Variants in SLC9A9 observed in about 807,000 individuals in gnomAD.
The protein encoded by SLC9A9 is solute carrier family 9 member A9.
A neutral mutation model predicts 77.8 loss-of-function variants in SLC9A9; 62 were observed. The observed-to-expected ratio is 0.80, with a 90% CI of 0.65 to 0.98. The LOEUF is 0.98. Among genes scored for constraint, SLC9A9 ranks in the 50% least tolerant of loss-of-function variants. SLC9A9 has a pLI of 0.00. For missense variants in SLC9A9, 775 were observed against 774.9 expected, an observed-to-expected ratio of 1.00 and a Z score of 0.00; for synonymous variants, 320 against 283.5, an observed-to-expected ratio of 1.13 and a Z score of -1.29.
At chr3:143,619,347 T>C (rs1452589901) in intron 6 of SLC9A9, among the ~76,000 whole-genome samples, 3 of 152,202 alleles carry the variant, frequency 2.0e-5, no homozygotes, top group Non-Finnish European at 4.4e-5. Flanking sequence ...AGAAAAAGCA[T>C]TTCCAAACAC....
intron 4 of SLC9A9, among the ~76,000 whole-genome samples, chr3:143,787,458 A>G (rs1334762903): frequency 6.6e-6 from 1 of 152,202 alleles, no homozygotes; most frequent in African/African-American, 2.4e-5. Flanking sequence ...ACATACATGC[A>G]TATATACCTT....
intron 5 of SLC9A9, among the ~76,000 whole-genome samples, chr3:143,662,373 C>T (rs952223772): frequency 5.3e-5 from 8 of 152,350 alleles, no homozygotes; most frequent in East Asian, 3.9e-4. Flanking sequence ...CAGTCTACAG[C>T]TCCCAGCATG....
chr3:143,318,008 T>C (rs1157650466), intron 14 of SLC9A9, among the ~76,000 whole-genome samples: 1 of 152,236 alleles, frequency 6.6e-6, no homozygotes, highest in Non-Finnish European at 1.5e-5. Flanking sequence ...ATTACAGGCC[T>C]GAGCCACCGT....
intron 5 of SLC9A9, among the ~76,000 whole-genome samples, chr3:143,675,100 C>G (rs972380263): frequency 6.6e-6 from 1 of 152,104 alleles, no homozygotes; most frequent in Non-Finnish European, 1.5e-5. Flanking sequence ...ATTGGAGAAC[C>G]TACTAATATA....
chr3:143,533,319 C>T (rs554436465), intron 9 of SLC9A9, among the ~76,000 whole-genome samples: 137 of 152,308 alleles, frequency 9.0e-4, no homozygotes, highest in Non-Finnish European at 1.3e-3. Flanking sequence ...ACATCTAGTG[C>T]TTGTCCTCCT....
chr3:143,346,898 C>A (rs530141440), intron 14 of SLC9A9: 1 of 152,102 alleles, frequency 6.6e-6, no homozygotes, highest in East Asian at 1.9e-4. Context: ...TGTATTCAAA[C>A]TCTACAAAAT....
intron 14 of SLC9A9, among the ~76,000 whole-genome samples, chr3:143,361,901 C>T (rs577266072): frequency 3.3e-5 from 5 of 152,114 alleles, no homozygotes; most frequent in African/African-American, 9.6e-5. Flanking sequence ...TTCCTCATAG[C>T]ATTGTCAGAA....
At chr3:143,756,041 G>A (rs1272607336) in intron 4 of SLC9A9, among the ~76,000 whole-genome samples, 1 of 152,206 alleles carries the variant, frequency 6.6e-6, no homozygotes, top group African/African-American at 2.4e-5. Context: ...AGGCAATGCA[G>A]TGGTGGCTCC....
At chr3:143,715,155 C>T (rs1015328026) in intron 4 of SLC9A9, among the ~76,000 whole-genome samples, 32 of 151,786 alleles carry the variant, frequency 2.1e-4, no homozygotes, top group African/African-American at 7.8e-4. Context: ...TTGGCTAAGT[C>T]TTTATCAGCA....
chr3:143,303,072 A>T (rs530743505), intron 14 of SLC9A9, among the ~76,000 whole-genome samples: 1 of 152,178 alleles, frequency 6.6e-6, no homozygotes, highest in East Asian at 1.9e-4. Flanking sequence ...CCGGACTTCC[A>T]GTGTGACACA....
intron 4 of SLC9A9, among the ~76,000 whole-genome samples, chr3:143,706,347 G>A (rs1365470445): frequency 6.6e-6 from 1 of 152,150 alleles, no homozygotes; most frequent in African/African-American, 2.4e-5. Context: ...GCCCAGTATG[G>A]GCTATTCTTC....
At chr3:143,318,296 C>T (rs748897798) in intron 14 of SLC9A9, among the ~76,000 whole-genome samples, 20 of 151,974 alleles carry the variant, frequency 1.3e-4, no homozygotes, top group Non-Finnish European at 2.4e-4. Context: ...CAACTGAGAA[C>T]GATATTAGGA....
chr3:143,537,696 A>C (rs1056717909), intron 9 of SLC9A9, among the ~76,000 whole-genome samples: 1 of 152,102 alleles, frequency 6.6e-6, no homozygotes, highest in African/African-American at 2.4e-5. Flanking sequence ...CATTCCGGGG[A>C]TGGGGTGGGC....
At chr3:143,704,591 G>C (rs1394647363) in intron 4 of SLC9A9, among the ~76,000 whole-genome samples, 1 of 152,108 alleles carries the variant, frequency 6.6e-6, no homozygotes, top group African/African-American at 2.4e-5. Context: ...ACAAATGAAA[G>C]AAAATCAGTA....
At chr3:143,762,943 G>A (rs375492229) in intron 4 of SLC9A9, among the ~76,000 whole-genome samples, 17 of 152,144 alleles carry the variant, frequency 1.1e-4, no homozygotes, top group African/African-American at 3.4e-4. Context: ...AGCAATCAGC[G>A]GAATGCCAGG....
At chr3:143,411,834 C>T (rs1166925419) in intron 12 of SLC9A9, among the ~76,000 whole-genome samples, 2 of 152,096 alleles carry the variant, frequency 1.3e-5, no homozygotes, top group Admixed American at 1.3e-4. Context: ...AATACCTGTA[C>T]AGGTCTGCCT....
At chr3:143,712,875 G>A (rs912777436) in intron 4 of SLC9A9, among the ~76,000 whole-genome samples, 1 of 152,210 alleles carries the variant, frequency 6.6e-6, no homozygotes, top group Non-Finnish European at 1.5e-5. Context: ...TTGTTGGGAA[G>A]AGATTACTCC....
intron 6 of SLC9A9, among the ~76,000 whole-genome samples, chr3:143,603,352 A>G (rs1271529474): frequency 1.3e-5 from 2 of 152,316 alleles, no homozygotes. Context: ...CACGCCCTCT[A>G]CATTCCTCTC....
rs1269632213 is a variant in SLC9A9 at position 143,517,655 on chromosome 3, T to C, written c.1090-22207A>G. Reference sequence around the variant, plus strand: ...TTCTTCCTACTGGCCTAGAAGTCTGTGTGCTTTCGCCCGCCACTTGTAAGG... The same window carrying C: ...TTCTTCCTACTGGCCTAGAAGTCTGCGTGCTTTCGCCCGCCACTTGTAAGG... On this transcript the variant is annotated intron_variant, in intron 9 of 15. Coordinates refer to ENST00000316549, the MANE Select transcript of SLC9A9 (RefSeq NM_173653.4). 7 of 1,597,170 alleles carry C rather than the reference T, an allele frequency of 4.4e-6. No homozygotes were observed. In the Admixed American group the frequency reaches 1.0e-4, roughly 23 times the overall value.
Sources: gnomAD v4.1 joint callset for allele counts (sites outside exome capture counted in the v4.1 genomes callset) on GRCh38, gnomAD v4.1.1 for gene constraint, MANE v1.5 for transcripts, NCBI Gene and HGNC (gene_info 2026-07-23, HGNC 2026-07-21) for gene names.